Variants in RAD9B observed in about 807,000 individuals in gnomAD.
The protein encoded by RAD9B is RAD9 checkpoint clamp component B, also known as cell cycle checkpoint control protein RAD9B.
RAD9B carries 41 observed loss-of-function variants against 48.3 expected under a neutral mutation model. The ratio of observed to expected loss-of-function variants is 0.85; its 90% CI spans 0.66 to 1.10. The LOEUF (loss-of-function observed/expected upper bound fraction) is 1.10, where lower values mean the gene tolerates loss of function less well. Among genes scored for constraint, RAD9B ranks in the 50% least tolerant of loss-of-function variants. The probability of loss-of-function intolerance (pLI) is 0.00; values close to 1 mark genes in which losing one functional copy is unlikely to be tolerated. For synonymous variants in RAD9B, 160 were observed against 157.9 expected (o/e 1.01, Z -0.10); for missense variants, 444 against 485.1 (o/e 0.92, Z 0.80).
At chr12:110,530,396 T>A (rs1389987405) in intron 10 of RAD9B, 129 bp from the exon 11 acceptor site, 1 of 849,234 alleles carries the variant, frequency 1.2e-6, no homozygotes. Context: ...CTGGGTGTTC[T>A]GTGAACCATC....
At chr12:110,512,536 G>C (rs976831660) in intron 4 of RAD9B, among the ~76,000 whole-genome samples, 4 of 152,154 alleles carry the variant, frequency 2.6e-5, no homozygotes, top group African/African-American at 9.7e-5. Flanking sequence ...GAAACTGCTT[G>C]TATTTCAAAG....
intron 1 of RAD9B, 39 bp downstream of exon 1, chr12:110,502,422 A>G (rs371684469): frequency 4.3e-6 from 7 of 1,609,492 alleles, no homozygotes; most frequent in Non-Finnish European, 5.9e-6. Context: ...TAGCAGAGAG[A>G]AAAGCAGACG....
rs2064114768 is a variant in RAD9B, at chr12:110,530,705, C to A, written c.*52C>A. ...CAGCCCAGTGACTGGCTCATTTGCC[C>A]CTCAAGCACGAGTTTGCATGTTTAG... On this transcript the variant is annotated 3_prime_UTR_variant, in exon 11 of 11. Coordinates refer to ENST00000409300, the MANE Select transcript of RAD9B (RefSeq NM_001286535.2). 2 of 1,607,846 alleles carry A rather than the reference C, an allele frequency of 1.2e-6. No homozygotes were observed. The highest frequency in any genetic ancestry group is 2.2e-5 in the East Asian group (1 of 44,780).
At chr12:110,510,998 A>G (rs914884983) in intron 4 of RAD9B, among the ~76,000 whole-genome samples, 24 of 152,008 alleles carry the variant, frequency 1.6e-4, no homozygotes, top group Admixed American at 9.2e-4. Flanking sequence ...AGGAAGAGAG[A>G]AGAGGAGAGA....
chr12:110,512,742 C>T, intron 4 of RAD9B, 37 bp from the exon 5 acceptor site: 3 of 859,836 alleles, frequency 3.5e-6, no homozygotes, highest in South Asian at 3.1e-5. Flanking sequence ...TAGTTTTGTA[C>T]TTAAAATTAT....
Position 110,530,671 on chromosome 12 carries a change from G to GC in RAD9B, c.*19dup. On this transcript the variant is annotated 3_prime_UTR_variant, in exon 11 of 11. Transcript: ENST00000409300. ...TATTCTAATGCTTAATGATGGCTGA[G>GC]CTGGGCCCCAGCCCAGTGACTGGCT... 6.2e-7 allele frequency: 1 copy of GC among 1,613,414 alleles called. No homozygotes were observed. Among genetic ancestry groups the GC allele is most frequent in the Non-Finnish European group, 8.5e-7 (1 of 1,179,526 alleles).
chr12:110,532,797 A>G lies in RAD9B; in HGVS notation c.*2144A>G, dbSNP rs1456281543. The stretch of plus-strand genomic sequence containing the variant: ...TACAACTGCCTACAGTATTCAGTAC[A>G]GTAACATGTTATACAGGTTTGTCGC... On this transcript the variant is annotated 3_prime_UTR_variant, in exon 11 of 11. Coordinates refer to ENST00000409300, the MANE Select transcript of RAD9B (RefSeq NM_001286535.2). Among the ~76,000 whole-genome samples the G allele has an allele frequency of 6.6e-6, 1 of 152,240 alleles. No homozygotes were observed.
chr12:110,531,253 T>C lies in RAD9B; in HGVS notation c.*600T>C. On this transcript the variant is annotated 3_prime_UTR_variant, in exon 11 of 11. Transcript: ENST00000409300. ...TGTCACTCAGGCTCAAGTGCAGTGG[T>C]GCAATCTCTGCTCACTGCAACATCT... The C allele has an allele frequency of 1.5e-6, 1 of 645,516 alleles. No individual in the cohort carries two copies. Among genetic ancestry groups the C allele is most frequent in the African/African-American group, 2.0e-5 (1 of 49,702 alleles). 40.0% of individuals were successfully genotyped at this position (645,516 alleles called of 1,614,324 possible). A position where few individuals can be genotyped will look rare whatever the true frequency, so the allele number is the denominator to read the frequency against.
chr12:110,511,409 GA>G (rs1326821640), intron 4 of RAD9B: 2 of 428,734 alleles, frequency 4.7e-6, no homozygotes, highest in Non-Finnish European at 9.4e-6. Flanking sequence ...TAAAAATAAT[GA>G]AATCTTGTCA....
At chr12:110,529,148 A>G (rs920949768) in intron 10 of RAD9B, among the ~76,000 whole-genome samples, 1 of 151,230 alleles carries the variant, frequency 6.6e-6, no homozygotes, top group South Asian at 2.1e-4. Context: ...AGGTTAGGCT[A>G]TTTGTTTGTT....
intron 1 of RAD9B, 34 bp downstream of exon 1, chr12:110,502,417 G>C (rs1374401461): frequency 1.9e-6 from 3 of 1,611,186 alleles, no homozygotes; most frequent in Non-Finnish European, 2.5e-6. Flanking sequence ...CCATTTAGCA[G>C]AGAGAAAAGC....
At chr12:110,511,743 CAT>C (rs752617513) in intron 4 of RAD9B, among the ~76,000 whole-genome samples, 3 of 152,134 alleles carry the variant, frequency 2.0e-5, no homozygotes, top group African/African-American at 7.2e-5. Context: ...GTTCTTAACA[CAT>C]AGAAATGATA....
intron 4 of RAD9B, among the ~76,000 whole-genome samples, chr12:110,509,892 C>G (rs551538488): frequency 4.6e-4 from 70 of 152,290 alleles, no homozygotes; most frequent in African/African-American, 1.6e-3. Context: ...CTCACTCTCA[C>G]TGTTCTTTTA....
chr12:110,522,074 C>T, intron 9 of RAD9B, 103 bp from the exon 10 acceptor site: 1 of 719,500 alleles, frequency 1.4e-6, no homozygotes, highest in Non-Finnish European at 2.3e-6. Context: ...CAATATATTC[C>T]CTAATCCAGT....
At position 110,520,439 on chromosome 12, in the gene RAD9B, TG is replaced by T. The variant is rs781340945; in HGVS notation, c.890+526del. Among the ~76,000 whole-genome samples the T allele has an allele frequency of 6.6e-5, 10 of 151,736 alleles. No homozygotes were observed. The East Asian group carries it at 1.4e-3, about 21-fold the overall frequency. On this transcript the variant is annotated intron_variant, in intron 9 of 10. Transcript: ENST00000409300. ...GTTGCCCAGGCTGGTCTCAAACTTC[TG>T]GGCTGAAGCCATCCACCTGCCTCAG...
At position 110,519,773 on chromosome 12, in the gene RAD9B, GCTCTGACT is replaced by G; in HGVS notation, c.768-20_768-13del. Reference sequence around the variant, plus strand: ...CCATCAGAAAATGAGTGTCACTGTTGCTCTGACTTGGCTTTTTTAGACCTCTGGCTTTG... The same window carrying G: ...CCATCAGAAAATGAGTGTCACTGTTGTGGCTTTTTTAGACCTCTGGCTTTG... On this transcript the variant is annotated splice_polypyrimidine_tract_variant and intron_variant, in intron 8 of 10. Coordinates refer to ENST00000409300, the MANE Select transcript of RAD9B (RefSeq NM_001286535.2). 2 of 1,594,970 alleles carry G rather than the reference GCTCTGACT, an allele frequency of 1.3e-6. No individual in the cohort carries two copies. Among genetic ancestry groups the G allele is most frequent in the Non-Finnish European group, 1.7e-6 (2 of 1,173,536 alleles).
In RAD9B at chr12:110,531,070, A is replaced by G. The variant is rs1236382454; in HGVS notation, c.*417A>G. 10 of 998,456 alleles carry G rather than the reference A, an allele frequency of 1.0e-5. No individual in the cohort carries two copies. Among genetic ancestry groups the G allele is most frequent in the Non-Finnish European group, 1.2e-5 (10 of 838,864 alleles). The allele number at this position is 998,456 out of a possible 1,614,324, so 61.8% of individuals were successfully genotyped here. On this transcript the variant is annotated 3_prime_UTR_variant, in exon 11 of 11. Transcript: ENST00000409300. ...TCAGGTATCTTTTGTATTTGATTGC[A>G]AACATTTGGATTTTAGTTTTCTCAT...
Position 110,531,720 on chromosome 12 carries a change from A to G in RAD9B, c.*1067A>G. On this transcript the variant is annotated 3_prime_UTR_variant, in exon 11 of 11. Transcript: ENST00000409300. ...TGTCTCTGTTCTTTGGCCCTTTAAG[A>G]GTTAGCTTTTTACCTGCACAAATGG... 7.6e-7 allele frequency: 1 copy of G among 1,308,602 alleles called. No individual in the cohort carries two copies. The highest frequency in any genetic ancestry group is 1.1e-6 in the Non-Finnish European group (1 of 940,788). 81.1% of individuals were successfully genotyped at this position (1,308,602 alleles called of 1,614,324 possible).
chr12:110,505,628 A>G lies in RAD9B; in HGVS notation c.129A>G (p.Arg43=). Residue 43 remains arginine (R), a synonymous_variant, in exon 3 of 11, where the codon AGA becomes AGG. Transcript: ENST00000409300. ...LDPSKKGLAL[R]CVNSSRSAYG... The stretch of plus-strand genomic sequence containing the variant: ...TCTTATTTTTCTAGCTTGCTCTAAG[A>G]TGTGTGAATTCTTCTCGGTCAGCAT... The G allele has an allele frequency of 1.3e-6, 2 of 1,555,438 alleles. No homozygotes were observed. Among genetic ancestry groups the G allele is most frequent in the Non-Finnish European group, 1.7e-6 (2 of 1,148,888 alleles).
Sources: gnomAD v4.1 joint callset for allele counts (sites outside exome capture counted in the v4.1 genomes callset) on GRCh38, gnomAD v4.1.1 for gene constraint, MANE v1.5 for transcripts, NCBI Gene and HGNC (gene_info 2026-07-23, HGNC 2026-07-21) for gene names.